PHF20L1: variants seen among roughly 807,000 people sequenced by gnomAD.
The protein encoded by PHF20L1 is PHD finger protein 20-like protein 1.
In PHF20L1, 44 loss-of-function variants were observed where a neutral mutation model predicts 125.5. The observed-to-expected ratio is 0.35, with a 90% CI of 0.28 to 0.45. The LOEUF (loss-of-function observed/expected upper bound fraction) is 0.45. Among genes scored for constraint, PHF20L1 ranks in the 20% least tolerant of loss-of-function variants. The pLI, the probability that PHF20L1 is intolerant of heterozygous loss-of-function variation, is 1.00. For synonymous variants in PHF20L1, 380 were observed against 403.1 expected (o/e 0.94, Z 0.69); for missense variants, 1,012 against 1,217.2 (o/e 0.83, Z 2.51).
At chr8:132,801,069 C>A (rs984485543) in intron 6 of PHF20L1, among the ~76,000 whole-genome samples, 6 of 151,496 alleles carry the variant, frequency 4.0e-5, no homozygotes, top group African/African-American at 1.5e-4. Flanking sequence ...GAGATACCTC[C>A]TTGTTCCTTC....
chr8:132,817,172 CTT>C, intron 11 of PHF20L1, 96 bp downstream of exon 11: 2 of 922,824 alleles, frequency 2.2e-6, no homozygotes, highest in Non-Finnish European at 3.2e-6. Context: ...TATTTCTGCT[CTT>C]ATATCTTCTG....
At position 132,842,849 on chromosome 8, in the gene PHF20L1, G is replaced by A; in HGVS notation, c.2722G>A (p.Ala908Thr). Residue 908 changes from alanine (A) to threonine (T), a missense_variant, in exon 19 of 21, where the codon GCA (alanine) becomes ACA (threonine). Physicochemically the swap from Ala to Thr is moderately conservative, Grantham distance 58. Transcript: ENST00000395386. ...MRSKNSLQYS[A>T]KEHGMPEKNP... ...AAGTAAAAACAGTTTACAGTACTCA[G>A]CAAAAGAACATGGAATGCCTGAAAA... 1 of 1,609,636 alleles carries A rather than the reference G, an allele frequency of 6.2e-7. No individual in the cohort carries two copies. The highest frequency in any genetic ancestry group is 8.5e-7 in the Non-Finnish European group (1 of 1,177,672).
chr8:132,820,610 C>A (rs767810886), intron 12 of PHF20L1, among the ~76,000 whole-genome samples: 3 of 151,972 alleles, frequency 2.0e-5, no homozygotes, highest in Non-Finnish European at 2.9e-5. Context: ...GACAAACCAT[C>A]TGCCTTCTCT....
chr8:132,837,938 G>A (rs1219730869), intron 17 of PHF20L1, 127 bp downstream of exon 17: 1 of 661,948 alleles, frequency 1.5e-6, no homozygotes, highest in Non-Finnish European at 2.7e-6. Context: ...TAGGTTCTTG[G>A]AAACTGTGAC....
intron 4 of PHF20L1, among the ~76,000 whole-genome samples, chr8:132,796,025 A>G (rs1474915769): frequency 1.3e-5 from 2 of 152,098 alleles, no homozygotes; most frequent in East Asian, 1.9e-4. Flanking sequence ...TTCTGTATTC[A>G]TTGTTATTAC....
chr8:132,790,527 G>A (rs899499140), intron 2 of PHF20L1, among the ~76,000 whole-genome samples: 4 of 152,096 alleles, frequency 2.6e-5, no homozygotes, highest in African/African-American at 4.8e-5. Context: ...TTTCAACCAG[G>A]CTAACAAGTC....
intron 2 of PHF20L1, among the ~76,000 whole-genome samples, chr8:132,780,772 C>CTT (rs1182410523): frequency 6.6e-6 from 1 of 151,610 alleles, no homozygotes; most frequent in Non-Finnish European, 1.5e-5. Context: ...GATAAATCAC[C>CTT]TTTTGAAGAG....
intron 4 of PHF20L1, among the ~76,000 whole-genome samples, chr8:132,796,259 A>AGGTGATAGAATAGCTAG (rs1343651044): frequency 1.3e-5 from 2 of 152,094 alleles, no homozygotes; most frequent in African/African-American, 4.8e-5. Context: ...ATTCGTTTAT[A>AGGTGATAGAATAGCTAG]GGTGATAGAA....
intron 15 of PHF20L1, 84 bp downstream of exon 15, chr8:132,832,483 A>G (rs1836880444): frequency 2.1e-6 from 2 of 954,014 alleles, no homozygotes; most frequent in Non-Finnish European, 1.6e-6. Flanking sequence ...TGTTAAGAGC[A>G]TGCGATTTAA....
chr8:132,848,434 C>CT lies in PHF20L1; in HGVS notation c.*2515dup, dbSNP rs1215981613. ...GAAAAGTTTCAGATGAGATTATTTTCTTTTAGTCTTTTTAAATATCACTAT... is the reference window on the plus strand; with the variant it reads ...GAAAAGTTTCAGATGAGATTATTTTCTTTTTAGTCTTTTTAAATATCACTAT... On this transcript the variant is annotated 3_prime_UTR_variant, in exon 21 of 21. Transcript: ENST00000395386. 3 of 152,432 alleles carry CT rather than the reference C, an allele frequency of 2.0e-5. No individual in the cohort carries two copies. The highest frequency in any genetic ancestry group is 7.2e-5 in the African/African-American group (3 of 41,428). 9.4% of individuals were successfully genotyped at this position (152,432 alleles called of 1,614,324 possible).
chr8:132,804,172 T>A (rs1366722477), intron 7 of PHF20L1, 140 bp downstream of exon 7: 4 of 621,480 alleles, frequency 6.4e-6, no homozygotes, highest in Non-Finnish European at 1.1e-5. Context: ...GATGGCTAAC[T>A]TTTTTAGCAT....
intron 15 of PHF20L1, 111 bp from the exon 16 acceptor site, chr8:132,836,429 C>T: frequency 1.4e-6 from 1 of 694,354 alleles, no homozygotes; most frequent in Non-Finnish European, 2.4e-6. Flanking sequence ...TTTGCTCCCC[C>T]TTTTTAAAAT....
intron 6 of PHF20L1, among the ~76,000 whole-genome samples, chr8:132,802,870 A>G (rs1053352822): frequency 6.6e-6 from 1 of 151,838 alleles, no homozygotes; most frequent in Non-Finnish European, 1.5e-5. Context: ...TGCTTGGACT[A>G]GGGATTTAAA....
chr8:132,793,933 TA>T (rs1280519113), intron 2 of PHF20L1, among the ~76,000 whole-genome samples: 6 of 152,228 alleles, frequency 3.9e-5, no homozygotes, highest in Admixed American at 2.0e-4. Flanking sequence ...CCCCACATTG[TA>T]AATTCTTTGT....
Position 132,810,686 on chromosome 8 carries a change from G to C in PHF20L1, c.848-360G>C, listed in dbSNP as rs549235530. Reference sequence around the variant, plus strand: ...TCTTCTGTCTTATTCTGTTTTTATAGCTGTATAGACAAAACCTGTATTATA... The same window carrying C: ...TCTTCTGTCTTATTCTGTTTTTATACCTGTATAGACAAAACCTGTATTATA... On this transcript the variant is annotated intron_variant, in intron 8 of 20. Coordinates refer to ENST00000395386, the MANE Select transcript of PHF20L1 (RefSeq NM_016018.5). 149 of 170,132 alleles carry C rather than the reference G, an allele frequency of 8.8e-4. 4 individuals carry two copies. Among genetic ancestry groups the C allele is most frequent in the Admixed American group, 3.6e-4 (6 of 16,730 alleles). 10.5% of individuals were successfully genotyped at this position (170,132 alleles called of 1,614,324 possible).
chr8:132,786,812 A>G (rs1484188470), intron 2 of PHF20L1, among the ~76,000 whole-genome samples: 4 of 152,176 alleles, frequency 2.6e-5, no homozygotes, highest in African/African-American at 7.2e-5. Flanking sequence ...GCCACATGGT[A>G]GGCACATAAA....
chr8:132,798,453 G>A (rs1832674236), intron 4 of PHF20L1, among the ~76,000 whole-genome samples: 2 of 151,916 alleles, frequency 1.3e-5, no homozygotes, highest in South Asian at 4.1e-4. Flanking sequence ...TGTAAGTAAT[G>A]ATTTTACTTT....
intron 14 of PHF20L1, among the ~76,000 whole-genome samples, chr8:132,825,596 T>G (rs1836086772): frequency 6.6e-6 from 1 of 152,074 alleles, no homozygotes; most frequent in South Asian, 2.1e-4. Context: ...TGCAACTGAT[T>G]AGACATTTTT....
rs1336664929 is a variant in PHF20L1 at position 132,846,590 on chromosome 8, T to C, written c.*667T>C. 6.6e-6 allele frequency: 1 copy of C among 152,572 alleles called. No individual in the cohort carries two copies. The highest frequency in any genetic ancestry group is 6.5e-5 in the Admixed American group (1 of 15,268). 9.5% of individuals were successfully genotyped at this position (152,572 alleles called of 1,614,324 possible). On this transcript the variant is annotated 3_prime_UTR_variant, in exon 21 of 21. Transcript: ENST00000395386. The stretch of plus-strand genomic sequence containing the variant: ...AATAATTGGAATATATTGCAGGCAT[T>C]AAGCTCATTAAAAACAAACTGGCTT...
Sources: allele counts gnomAD v4.1 joint callset (sites outside exome capture counted in the v4.1 genomes callset), GRCh38; gene constraint gnomAD v4.1.1; transcripts MANE v1.5; gene names NCBI Gene and HGNC (gene_info 2026-07-23, HGNC 2026-07-21).